Variants in WDR90 observed in about 807,000 individuals in gnomAD.
WDR90 encodes WD repeat domain 90.
In WDR90, 238 loss-of-function variants were observed where a neutral mutation model predicts 195.2. That is an observed-to-expected ratio of 1.22 (90% CI 1.10 to 1.36). The LOEUF (loss-of-function observed/expected upper bound fraction) is 1.36, where lower values mean the gene tolerates loss of function less well. WDR90 is among the 40% of genes most tolerant of loss of function. The pLI is 0.00. For missense variants in WDR90, 2,734 were observed against 2,439.5 expected, an observed-to-expected ratio of 1.12 and a Z score of -2.54; for synonymous variants, 1,265 against 1,052.4, an observed-to-expected ratio of 1.20 and a Z score of -3.91.
In WDR90 at chr16:667,592, T is replaced by C; in HGVS notation, c.*3T>C. 2 of 1,606,326 alleles carry C rather than the reference T, an allele frequency of 1.2e-6. No individual in the cohort carries two copies. Among genetic ancestry groups the C allele is most frequent in the Non-Finnish European group, 1.7e-6 (2 of 1,179,912 alleles). ...TGTGGGAGGTCCCCGGCCTCTGAGA[T>C]GCAGCAGGGACTGTGGTGGTGGGCA... On this transcript the variant is annotated 3_prime_UTR_variant, in exon 41 of 41. Transcript: ENST00000293879.
At chr16:658,401 G>A in intron 22 of WDR90, 57 bp downstream of exon 22, 1 of 1,589,252 alleles carries the variant, frequency 6.3e-7, no homozygotes, top group Admixed American at 1.7e-5. Context: ...TCCAGGCCTG[G>A]CCTCTGTGCC....
chr16:661,279 A>G, intron 29 of WDR90, 63 bp from the exon 30 acceptor site: 17 of 1,533,236 alleles, frequency 1.1e-5, no homozygotes, highest in Non-Finnish European at 1.5e-5. Context: ...GCAGACGGCC[A>G]CCCCAGCCTC....
At chr16:655,285 GC>G (rs1567216131) in intron 14 of WDR90, 21 bp from the exon 15 acceptor site, 1 of 1,608,790 alleles carries the variant, frequency 6.2e-7, no homozygotes, top group Non-Finnish European at 8.5e-7. Context: ...CTGCGGCAGT[GC>G]TCAGTCCTCA....
At position 649,443 on chromosome 16, in the gene WDR90, G is replaced by C. The variant is rs1305045230; in HGVS notation, c.10+17G>C. The C allele has an allele frequency of 7.7e-7, 1 of 1,298,160 alleles. No homozygotes were observed. Among genetic ancestry groups the C allele is most frequent in the Non-Finnish European group, 9.7e-7 (1 of 1,026,260 alleles). The allele number at this position is 1,298,160 out of a possible 1,614,324, so 80.4% of individuals were successfully genotyped here. A position where few individuals can be genotyped will look rare whatever the true frequency, so the allele number is the denominator to read the frequency against. ...TGGCCCGAGGTAGCGCGCGGCTGGC[G>C]GGGGTCCCGAGGATCCCGGGTTCCG... On this transcript the variant is annotated intron_variant, in intron 1 of 40. Transcript: ENST00000293879.
At chr16:656,029 TC>T in intron 17 of WDR90, 140 bp downstream of exon 17, 1 of 1,073,198 alleles carries the variant, frequency 9.3e-7, no homozygotes, top group Non-Finnish European at 1.3e-6. Context: ...AAGTGGCATA[TC>T]CAGAGCCCTG....
At chr16:662,377 T>C in intron 33 of WDR90, 46 bp downstream of exon 33, 1 of 1,535,574 alleles carries the variant, frequency 6.5e-7, no homozygotes. Flanking sequence ...TGGGTGTTGG[T>C]GTCCCTGACT....
intron 9 of WDR90, 95 bp from the exon 10 acceptor site, chr16:652,372 G>A (rs909140479): frequency 2.1e-6 from 3 of 1,418,126 alleles, no homozygotes; most frequent in Non-Finnish European, 2.9e-6. Context: ...TTGAGAGGCA[G>A]GACCCAGCTA....
In WDR90 at chr16:658,540, CCT is replaced by C. The variant is rs1446739348; in HGVS notation, c.2783_2784del (p.Pro928ArgfsTer10). ...TGTGTTCCAGCTGCCCGGTGTCCAC[CCT>C]GAGCCCTGCCCCTCCTTGACGCTCA... ...RIIRELPGVHPEPCPSLTLSE... is the reference protein window; with the variant it reads ...RIIRELPGVHXEPCPSLTLSE... On this transcript the variant is annotated frameshift_variant, in exon 23 of 41. Transcript: ENST00000293879. LOFTEE classifies it high-confidence loss of function. 1 of 1,612,036 alleles carries C rather than the reference CCT, an allele frequency of 6.2e-7. No homozygotes were observed. The highest frequency in any genetic ancestry group is 8.5e-7 in the Non-Finnish European group (1 of 1,179,522).
At chr16:653,706 T>A in intron 12 of WDR90, 36 bp downstream of exon 12, 1 of 1,612,914 alleles carries the variant, frequency 6.2e-7, no homozygotes, top group Non-Finnish European at 8.5e-7. Flanking sequence ...GGGGAGGGGG[T>A]CAGCCCAGGC....
At position 654,991 on chromosome 16, in the gene WDR90, T is replaced by C. The variant is rs1465875206; in HGVS notation, c.1438-38T>C. ...CTTGCAGAATCGAGGTGGCCCCGAC[T>C]GGCCCTGCCGTGCGGGCTCAGCCTG... is the stretch of plus-strand genomic sequence containing the variant. On this transcript the variant is annotated intron_variant, in intron 13 of 40. Transcript: ENST00000293879. 1.2e-5 allele frequency: 19 copies of C among 1,594,714 alleles called. No individual in the cohort carries two copies. In the African/African-American group the frequency reaches 1.2e-4, roughly 10 times the overall value.
chr16:656,146 G>C (rs1217330028), intron 17 of WDR90, 156 bp from the exon 18 acceptor site: 1 of 797,308 alleles, frequency 1.3e-6, no homozygotes, highest in Non-Finnish European at 2.0e-6. Context: ...TAGCCTAAGA[G>C]TGGTGGCCTC....
chr16:650,836 A>T, intron 5 of WDR90, 127 bp downstream of exon 5: 1 of 1,485,434 alleles, frequency 6.7e-7, no homozygotes, highest in African/African-American at 1.4e-5. Flanking sequence ...TCTGGCCAGA[A>T]CCCATCCCAG....
chr16:649,942 C>T (rs1289875718), intron 2 of WDR90, 49 bp from the exon 3 acceptor site: 1 of 1,607,524 alleles, frequency 6.2e-7, no homozygotes, highest in Admixed American at 1.7e-5. Context: ...CTCGCCCCCG[C>T]TGCACTTCTT....
intron 23 of WDR90, 57 bp downstream of exon 23, chr16:658,710 T>C (rs1019159989): frequency 5.7e-6 from 9 of 1,585,196 alleles, no homozygotes; most frequent in Non-Finnish European, 7.7e-6. Flanking sequence ...CAGGTGGCCC[T>C]GGAGACCCCT....
Position 656,504 on chromosome 16 carries a change from C to A in WDR90, c.2169C>A (p.Thr723=). ...TGGCCACCGTGTCCCAGGACCGTAC[C>A]GTCCGCATCTGGGACCTGGCCACCC... ...GQLATVSQDR[T]VRIWDLATLQ... The change falls in exon 18 of 41, where the codon ACC becomes ACA. Residue 723 remains threonine (T), a synonymous_variant. Coordinates refer to ENST00000293879, the MANE Select transcript of WDR90 (RefSeq NM_145294.5). 1.3e-6 allele frequency: 2 copies of A among 1,577,126 alleles called. No individual in the cohort carries two copies. Among genetic ancestry groups the A allele is most frequent in the African/African-American group, 1.3e-5 (1 of 74,360 alleles).
chr16:658,438 C>T (rs2037809429), intron 22 of WDR90, 87 bp from the exon 23 acceptor site: 2 of 1,575,130 alleles, frequency 1.3e-6, no homozygotes, highest in Non-Finnish European at 1.7e-6. Context: ...GGGTGGGGGG[C>T]CGTCGCCACA....
At chr16:649,662 G>A in intron 1 of WDR90, 101 bp from the exon 2 acceptor site, 1 of 1,231,740 alleles carries the variant, frequency 8.1e-7, no homozygotes, top group Non-Finnish European at 1.1e-6. Context: ...AAGGCGCGGA[G>A]AGCCCCGGCT....
intron 34 of WDR90, 157 bp from the exon 35 acceptor site, chr16:665,522 C>A: frequency 8.6e-7 from 1 of 1,166,970 alleles, no homozygotes; most frequent in Non-Finnish European, 1.2e-6. Context: ...CACACGGGGG[C>A]CGGCATTGCT....
chr16:659,168 C>G, intron 25 of WDR90, 42 bp downstream of exon 25: 1 of 1,610,182 alleles, frequency 6.2e-7, no homozygotes, highest in East Asian at 2.2e-5. Flanking sequence ...GCTGCGCTGA[C>G]TCTGGGGCCC....
Sources: gnomAD v4.1 joint callset for allele counts on GRCh38, gnomAD v4.1.1 for gene constraint, MANE v1.5 for transcripts, NCBI Gene and HGNC (gene_info 2026-07-23, HGNC 2026-07-21) for gene names.